The following SLC39A6 variants were observed in gnomAD, a reference collection of about 807,000 sequenced individuals.
SLC39A6 encodes the protein zinc transporter ZIP6.
Under a neutral mutation model 63.5 loss-of-function variants are expected in SLC39A6, and 51 were observed. The ratio of observed to expected loss-of-function variants is 0.80; its 90% CI spans 0.64 to 1.01. The LOEUF (loss-of-function observed/expected upper bound fraction) is 1.01. Among genes scored for constraint, SLC39A6 ranks in the 50% least tolerant of loss-of-function variants. SLC39A6 has a pLI of 0.00. For synonymous variants in SLC39A6, 318 were observed against 324.7 expected, an observed-to-expected ratio of 0.98 and a Z score of 0.22; for missense variants, 805 against 927.8, an observed-to-expected ratio of 0.87 and a Z score of 1.72.
At chr18:36,125,617 CCT>C (rs1295077967) in intron 2 of SLC39A6, among the ~76,000 whole-genome samples, 2 of 151,818 alleles carry the variant, frequency 1.3e-5, no homozygotes, top group East Asian at 1.9e-4. Context: ...GACATAATTC[CCT>C]GTTCTTGACA....
At chr18:36,117,019 A>C (rs529182270) in intron 5 of SLC39A6, among the ~76,000 whole-genome samples, 10 of 152,192 alleles carry the variant, frequency 6.6e-5, no homozygotes, top group Non-Finnish European at 1.5e-4. Flanking sequence ...CAGGCAGATC[A>C]TGAGGTCAGG....
At position 36,126,307 on chromosome 18, in the gene SLC39A6, C is replaced by T. The variant is rs568195475; in HGVS notation, c.701G>A (p.Arg234Gln). The change falls in exon 2 of 10, where the codon CGG becomes CAG. Residue 234 changes from arginine (R) to glutamine (Q), a missense_variant. Physicochemically the swap from Arg to Gln is conservative, Grantham distance 43 (BLOSUM62 1). Coordinates refer to ENST00000269187, the MANE Select transcript of SLC39A6 (RefSeq NM_012319.4). ...PSVTSKSRVSRLAGRKTNESV... is the reference protein window; with the variant it reads ...PSVTSKSRVSQLAGRKTNESV... The stretch of plus-strand genomic sequence containing the variant: ...TTCATTTGTTTTCCTACCAGCCAGC[C>T]GGCTCACCCGGCTCTTTGATGTGAC... 1.1e-5 allele frequency: 18 copies of T among 1,614,142 alleles called. No homozygotes were observed. Among genetic ancestry groups the T allele is most frequent in the East Asian group, 2.2e-5 (1 of 44,902 alleles).
chr18:36,126,719 C>T lies in SLC39A6; in HGVS notation c.289G>A (p.Asp97Asn), dbSNP rs1384847948. 7.4e-6 allele frequency: 12 copies of T among 1,613,814 alleles called. No individual in the cohort carries two copies. The highest frequency in any genetic ancestry group is 1.7e-5 in the Admixed American group (1 of 59,964). The change falls in exon 2 of 10, where the codon GAC becomes AAC. Residue 97 changes from aspartate to asparagine, a missense_variant. Physicochemically the swap from Asp to Asn is conservative, Grantham distance 23. Coordinates refer to ENST00000269187, the MANE Select transcript of SLC39A6 (RefSeq NM_012319.4). The stretch of plus-strand genomic sequence containing the variant: ...TGATGCTCGTGGTCTGAGTGATGGT[C>T]GTGGTCATGGTGTATATGGATTCTT... Reference protein sequence around the residue: ...IKRIHIHHDHDHHSDHEHHSD... With the variant: ...IKRIHIHHDHNHHSDHEHHSD...
intron 4 of SLC39A6, among the ~76,000 whole-genome samples, chr18:36,122,995 C>T (rs974213066): frequency 6.6e-6 from 1 of 152,148 alleles, no homozygotes; most frequent in Non-Finnish European, 1.5e-5. Context: ...GAATGAAACA[C>T]GCATATTTTT....
intron 1 of SLC39A6, among the ~76,000 whole-genome samples, chr18:36,128,547 G>A (rs2089472266): frequency 6.6e-6 from 1 of 152,214 alleles, no homozygotes; most frequent in Admixed American, 6.5e-5. Flanking sequence ...GGGGCTTGAA[G>A]TTTCGGGAAT....
At position 36,126,641 on chromosome 18, in the gene SLC39A6, G is replaced by C. The variant is rs2089440719; in HGVS notation, c.367C>G (p.His123Asp). 1.9e-6 allele frequency: 3 copies of C among 1,602,838 alleles called. No individual in the cohort carries two copies. Among genetic ancestry groups the C allele is most frequent in the African/African-American group, 1.3e-5 (1 of 74,570 alleles). Residue 123 changes from histidine to aspartate, a missense_variant, in exon 2 of 10, where the codon CAC (histidine) becomes GAC (aspartate). Physicochemically the swap from His to Asp is moderately conservative, Grantham distance 81 (BLOSUM62 -1). Coordinates refer to ENST00000269187, the MANE Select transcript of SLC39A6 (RefSeq NM_012319.4). ...DHEHHSEHEH[H>D]SDHDHHSHHN... ...TGAGAGTGATGATCATGGTCAGAGT[G>C]ATGCTCGTGCTCTGAGTGATGCTCA...
chr18:36,119,141 G>C (rs2089370624), intron 5 of SLC39A6, among the ~76,000 whole-genome samples: 1 of 152,182 alleles, frequency 6.6e-6, no homozygotes, highest in South Asian at 2.1e-4. Context: ...TTACGAGCTT[G>C]AAGAACTCCC....
chr18:36,114,038 G>A (rs2089322941), intron 7 of SLC39A6, 59 bp downstream of exon 7: 5 of 1,512,018 alleles, frequency 3.3e-6, no homozygotes, highest in Non-Finnish European at 3.5e-6. Context: ...AATTTGACTA[G>A]GTGTTTAATG....
At chr18:36,117,373 T>C (rs1199159675) in intron 5 of SLC39A6, among the ~76,000 whole-genome samples, 1 of 152,248 alleles carries the variant, frequency 6.6e-6, no homozygotes, top group African/African-American at 2.4e-5. Context: ...AACCTAAAAC[T>C]ATAGTTTTTT....
At chr18:36,119,053 A>T (rs2089370152) in intron 5 of SLC39A6, among the ~76,000 whole-genome samples, 1 of 152,180 alleles carries the variant, frequency 6.6e-6, no homozygotes, top group African/African-American at 2.4e-5. Flanking sequence ...AAGGCCTATA[A>T]CCTAAAAATA....
chr18:36,126,959 C>T lies in SLC39A6; in HGVS notation c.49G>A (p.Val17Ile). 1 of 1,614,128 alleles carries T rather than the reference C, an allele frequency of 6.2e-7. No homozygotes were observed. The highest frequency in any genetic ancestry group is 8.5e-7 in the Non-Finnish European group (1 of 1,180,004). Residue 17 changes from valine to isoleucine, a missense_variant, in exon 2 of 10, where the codon GTC becomes ATC. This residue lies in a region of SLC39A6 where 639 missense variants were observed against 644.0 expected (regional missense o/e 0.99). Transcript: ENST00000269187. ...TTTAGTTCATGAAGGGGATTTGTGA[C>T]AGAGAGGGCAAAGGTCAGGATCAAG... Reference protein sequence around the residue: ...VILILTFALSVTNPLHELKAA... With the variant: ...VILILTFALSITNPLHELKAA...
chr18:36,115,953 T>G (rs2089341791), intron 6 of SLC39A6, among the ~76,000 whole-genome samples: 1 of 152,180 alleles, frequency 6.6e-6, no homozygotes, highest in African/African-American at 2.4e-5. Flanking sequence ...GCACACCATG[T>G]GACAGAAAAG....
intron 5 of SLC39A6, among the ~76,000 whole-genome samples, chr18:36,117,155 T>A (rs1470784598): frequency 3.3e-5 from 5 of 152,148 alleles, no homozygotes; most frequent in Non-Finnish European, 7.4e-5. Context: ...AAGAATTGCT[T>A]GAACTCGGGA....
intron 5 of SLC39A6, among the ~76,000 whole-genome samples, chr18:36,118,417 G>GTCC (rs2089365395): frequency 6.6e-6 from 1 of 152,152 alleles, no homozygotes; most frequent in East Asian, 1.9e-4. Context: ...TATTAAGAAT[G>GTCC]TATAATAACA....
At chr18:36,112,102 C>T (rs1262031945) in intron 8 of SLC39A6, among the ~76,000 whole-genome samples, 1 of 152,118 alleles carries the variant, frequency 6.6e-6, no homozygotes. Flanking sequence ...GAACATATAA[C>T]AAGGAACAAA....
chr18:36,116,998 G>T (rs981228320), intron 5 of SLC39A6, among the ~76,000 whole-genome samples: 5 of 152,290 alleles, frequency 3.3e-5, no homozygotes, highest in African/African-American at 1.2e-4. Context: ...CAGCACTTTG[G>T]GAGGCCAAGG....
chr18:36,117,067 T>C (rs2089351967), intron 5 of SLC39A6, among the ~76,000 whole-genome samples: 2 of 152,160 alleles, frequency 1.3e-5, no homozygotes, highest in Admixed American at 1.3e-4. Flanking sequence ...TGAAACTCCA[T>C]CTCTACTAAA....
intron 5 of SLC39A6, among the ~76,000 whole-genome samples, chr18:36,118,866 A>G (rs1474096903): frequency 6.6e-6 from 1 of 152,244 alleles, no homozygotes; most frequent in Non-Finnish European, 1.5e-5. Context: ...TCAGGTGGGA[A>G]GTAACCATGG....
chr18:36,114,554 A>G (rs765719127), intron 6 of SLC39A6, 80 bp from the exon 7 acceptor site: 46 of 1,112,806 alleles, frequency 4.1e-5, no homozygotes, highest in Non-Finnish European at 5.9e-5. Context: ...CCTCATTGAA[A>G]AAGTCAACAG....
Sources: gnomAD v4.1 joint callset for allele counts (sites outside exome capture counted in the v4.1 genomes callset) on GRCh38, gnomAD v4.1.1 for gene constraint, gnomAD v4.1.1 regional missense constraint, MANE v1.5 for transcripts, NCBI Gene and HGNC (gene_info 2026-07-23, HGNC 2026-07-21) for gene names.